The following DLGAP2 variants were observed in gnomAD, a reference collection of about 807,000 sequenced individuals.
DLGAP2 encodes DLG associated protein 2.
DLGAP2 carries 26 observed loss-of-function variants against 100.3 expected under a neutral mutation model. That is an observed-to-expected ratio of 0.26 (90% CI 0.19 to 0.36). The LOEUF (loss-of-function observed/expected upper bound fraction) is 0.36. Among genes scored for constraint, DLGAP2 ranks in the 10% least tolerant of loss-of-function variants. The pLI, the probability that DLGAP2 is intolerant of heterozygous loss-of-function variation, is 1.00. For synonymous variants in DLGAP2, 886 were observed against 630.1 expected (o/e 1.41, Z -6.08); for missense variants, 1,858 against 1,453.2 (o/e 1.28, Z -4.53).
chr8:1,421,802 A>G lies in DLGAP2; in HGVS notation c.107-79564A>G, dbSNP rs7835729. 1.3e-3 allele frequency among the ~76,000 whole-genome samples: 204 copies of G among 152,134 alleles called. 2 individuals are homozygous for G. The highest frequency in any genetic ancestry group is 6.8e-3 in the Middle Eastern group (2 of 292). On this transcript the variant is annotated intron_variant, in intron 3 of 14. Coordinates refer to ENST00000637795, the MANE Select transcript of DLGAP2 (RefSeq NM_001346810.2). ...AACATGGTGAAACCCCGTCTCTACT[A>G]TAAATACAAAAATTAGCCAGGTATG...
chr8:1,689,607 G>C (rs2130873570), intron 12 of DLGAP2, among the ~76,000 whole-genome samples: 1 of 151,876 alleles, frequency 6.6e-6, no homozygotes, highest in African/African-American at 2.4e-5. Context: ...GTGTAGGTTA[G>C]TGATTTGTGC....
rs554910938 is a variant in DLGAP2, at chr8:1,082,085, C to T, written c.73+174119C>T. Among the ~76,000 whole-genome samples, 17 of 152,288 alleles carry T rather than the reference C, an allele frequency of 1.1e-4. No individual in the cohort carries two copies. In the South Asian group the frequency reaches 3.3e-3, roughly 30 times the overall value. ...CTGGCAGTGGCGAGTCGTGTGATGTCTGCCCTACATGTAATATCTTCCTCT... is the reference window on the plus strand; with the variant it reads ...CTGGCAGTGGCGAGTCGTGTGATGTTTGCCCTACATGTAATATCTTCCTCT... On this transcript the variant is annotated intron_variant, in intron 2 of 14. Coordinates refer to ENST00000637795, the MANE Select transcript of DLGAP2 (RefSeq NM_001346810.2).
intron 3 of DLGAP2, among the ~76,000 whole-genome samples, chr8:1,494,864 C>T (rs949290179): frequency 1.9e-4 from 29 of 152,312 alleles, no homozygotes; most frequent in African/African-American, 7.0e-4. Flanking sequence ...TCTAACTCTT[C>T]TGTGGCGGCA....
chr8:913,464 G>C (rs1041088651), intron 2 of DLGAP2, among the ~76,000 whole-genome samples: 1 of 152,230 alleles, frequency 6.6e-6, no homozygotes, highest in Non-Finnish European at 1.5e-5. Flanking sequence ...AGTTTGGCGT[G>C]AGCGTATATG....
chr8:1,695,288 G>A (rs181688470), intron 13 of DLGAP2, among the ~76,000 whole-genome samples: 1,163 of 143,530 alleles, frequency 8.1e-3, no homozygotes, highest in Non-Finnish European at 0.013. Flanking sequence ...ACAGAAAGAG[G>A]GGGCACAGTC....
intron 1 of DLGAP2, among the ~76,000 whole-genome samples, chr8:848,328 C>T (rs906831636): frequency 6.7e-5 from 10 of 150,146 alleles, no homozygotes; most frequent in Non-Finnish European, 8.9e-5. Flanking sequence ...TAGGATCGTG[C>T]GGTGCGTGTT....
chr8:785,537 C>A (rs7463563), intron 1 of DLGAP2, among the ~76,000 whole-genome samples: 2 of 122,726 alleles, frequency 1.6e-5, no homozygotes, highest in Non-Finnish European at 3.7e-5. Flanking sequence ...GGCTTCCCTC[C>A]TCCCCTCAGG....
intron 8 of DLGAP2, among the ~76,000 whole-genome samples, chr8:1,635,364 T>G (rs1797742030): frequency 6.6e-6 from 1 of 152,238 alleles, no homozygotes; most frequent in Non-Finnish European, 1.5e-5. Context: ...CATCCAAAGT[T>G]TCCTGTCCGT....
intron 2 of DLGAP2, among the ~76,000 whole-genome samples, chr8:1,157,183 T>C (rs1303917471): frequency 1.3e-5 from 2 of 152,144 alleles, no homozygotes; most frequent in East Asian, 3.9e-4. Context: ...TTAGCTGTGA[T>C]CAGCCTGTGG....
Position 1,333,656 on chromosome 8 carries a change from G to A in DLGAP2, c.106+74773G>A, listed in dbSNP as rs998931560. ...AGAAAGGCACTCGGAGGTAATTTGT[G>A]TGCCGATGTAACCGCGGGCTCTCCA... On this transcript the variant is annotated intron_variant, in intron 3 of 14. Transcript: ENST00000637795. Among the ~76,000 whole-genome samples the A allele has an allele frequency of 5.3e-5, 8 of 152,318 alleles. No individual in the cohort carries two copies. The South Asian group carries it at 6.2e-4, about 12-fold the overall frequency.
intron 1 of DLGAP2, among the ~76,000 whole-genome samples, chr8:905,354 G>C (rs958279661): frequency 6.6e-6 from 1 of 152,146 alleles, no homozygotes; most frequent in Non-Finnish European, 1.5e-5. Context: ...TTGGCTCCAT[G>C]AGAATGGACA....
intron 2 of DLGAP2, among the ~76,000 whole-genome samples, chr8:976,190 A>G (rs1435807915): frequency 6.6e-6 from 1 of 152,170 alleles, no homozygotes; most frequent in Non-Finnish European, 1.5e-5. Context: ...AAGACATAAC[A>G]TTTTCACGAT....
chr8:1,313,851 C>T (rs575750068), intron 3 of DLGAP2, among the ~76,000 whole-genome samples: 4 of 152,152 alleles, frequency 2.6e-5, no homozygotes, highest in Non-Finnish European at 5.9e-5. Context: ...ATCCCCCTCT[C>T]ATATTCATCA....
At chr8:853,497 G>T (rs188520121) in intron 1 of DLGAP2, among the ~76,000 whole-genome samples, 2 of 152,332 alleles carry the variant, frequency 1.3e-5, no homozygotes, top group Admixed American at 6.5e-5. Flanking sequence ...CCCCTCATCA[G>T]TTAGGGAATG....
At chr8:1,503,322 T>C (rs936761921) in intron 4 of DLGAP2, among the ~76,000 whole-genome samples, 1 of 152,176 alleles carries the variant, frequency 6.6e-6, no homozygotes, top group African/African-American at 2.4e-5. Flanking sequence ...CCCATTCTGC[T>C]TTCTGTCTCT....
chr8:1,350,653 C>T (rs375730660), intron 3 of DLGAP2, among the ~76,000 whole-genome samples: 32 of 36,354 alleles, frequency 8.8e-4, no homozygotes, highest in South Asian at 1.5e-3. Flanking sequence ...CCTGACTGTG[C>T]GTGGAAAGGC....
intron 2 of DLGAP2, among the ~76,000 whole-genome samples, chr8:949,136 G>A (rs1183559897): frequency 6.6e-6 from 1 of 152,242 alleles, no homozygotes; most frequent in Non-Finnish European, 1.5e-5. Flanking sequence ...TGGGTATTTA[G>A]AGATACAGCT....
chr8:1,517,900 A>G (rs1254772029), intron 4 of DLGAP2, among the ~76,000 whole-genome samples: 1 of 152,222 alleles, frequency 6.6e-6, no homozygotes, highest in South Asian at 2.1e-4. Flanking sequence ...CTTGCACAAA[A>G]TAACCATCCC....
intron 2 of DLGAP2, among the ~76,000 whole-genome samples, chr8:1,206,873 G>T (rs189686387): frequency 7.9e-5 from 12 of 152,010 alleles, no homozygotes; most frequent in Admixed American, 2.6e-4. Context: ...GCCTTCTCAC[G>T]ATCCATCCCT....
Sources: gnomAD v4.1 joint callset for allele counts (sites outside exome capture counted in the v4.1 genomes callset) on GRCh38, gnomAD v4.1.1 for gene constraint, MANE v1.5 for transcripts, NCBI Gene and HGNC (gene_info 2026-07-23, HGNC 2026-07-21) for gene names.